The following TTC6 variants were observed in gnomAD, a reference collection of about 807,000 sequenced individuals.
The protein encoded by TTC6 is tetratricopeptide repeat protein 6.
In TTC6, 172 loss-of-function variants were observed where a neutral mutation model predicts 210.4. The ratio of observed to expected loss-of-function variants is 0.82; its 90% CI spans 0.72 to 0.93. The LOEUF is 0.93. TTC6 is among the 40% of genes least tolerant of loss of function. TTC6 has a pLI of 0.00. For missense variants in TTC6, 2,414 were observed against 2,318.1 expected (o/e 1.04, Z -0.85); for synonymous variants, 804 against 819.6 (o/e 0.98, Z 0.32).
At chr14:37,721,148 A>T (rs1252184940) in intron 6 of TTC6, among the ~76,000 whole-genome samples, 1 of 151,966 alleles carries the variant, frequency 6.6e-6, no homozygotes, top group Non-Finnish European at 1.5e-5. Flanking sequence ...TTGTTACATG[A>T]TGATTTGTAC....
At position 37,714,815 on chromosome 14, in the gene TTC6, A is replaced by G. The variant is rs2095849902; in HGVS notation, c.1713+19A>G. 3 of 1,528,488 alleles carry G rather than the reference A, an allele frequency of 2.0e-6. No homozygotes were observed. Among genetic ancestry groups the G allele is most frequent in the Non-Finnish European group, 1.7e-6 (2 of 1,143,966 alleles). 94.7% of individuals were successfully genotyped at this position (1,528,488 alleles called of 1,614,324 possible). On this transcript the variant is annotated intron_variant, in intron 6 of 30. Transcript: ENST00000553443. ...AGAGGAAGTAAGAACTTTCTTTAAT[A>G]TTAGTTTTTTTGTACCTCACAGGTC...
chr14:37,787,041 A>G (rs2096069411), intron 14 of TTC6, among the ~76,000 whole-genome samples: 1 of 152,182 alleles, frequency 6.6e-6, no homozygotes. Context: ...CAAGCTCCAG[A>G]GAAAAACCTC....
intron 1 of TTC6, among the ~76,000 whole-genome samples, chr14:37,678,147 T>C (rs868822930): frequency 7.4e-4 from 113 of 152,226 alleles, no homozygotes; most frequent in African/African-American, 2.6e-3. Flanking sequence ...TGGAGTTTGT[T>C]CTGATAGGCA....
Position 37,808,073 on chromosome 14 carries a change from A to G in TTC6, c.4455+613A>G, listed in dbSNP as rs533641847. Among the ~76,000 whole-genome samples the G allele has an allele frequency of 1.5e-4, 23 of 152,298 alleles. No individual in the cohort carries two copies. The East Asian group carries it at 3.1e-3, about 20-fold the overall frequency. The stretch of plus-strand genomic sequence containing the variant: ...TTGGGTTTATGATTGGTTCTTAAAC[A>G]GAAGTTACTGGGTTAAAAGGTGTGA... On this transcript the variant is annotated intron_variant, in intron 23 of 30. Coordinates refer to ENST00000553443, the Ensembl canonical transcript of TTC6.
rs539075409 is a variant in TTC6 at position 37,841,756 on chromosome 14, A to G, written c.5524+86A>G. 9.8e-6 allele frequency: 10 copies of G among 1,022,838 alleles called. No individual in the cohort carries two copies. In the East Asian group the frequency reaches 1.3e-4, roughly 13 times the overall value. The allele number at this position is 1,022,838 out of a possible 1,614,324, so 63.4% of individuals were successfully genotyped here. A position where few individuals can be genotyped will look rare whatever the true frequency, so the allele number is the denominator to read the frequency against. ...ACAAAAGAAGAAAATCATTAGGTCT[A>G]TTTATTTAGATAAACTTACATAAGA... On this transcript the variant is annotated intron_variant, in intron 30 of 30. Transcript: ENST00000553443.
At chr14:37,791,054 T>G (rs1214841279) in intron 16 of TTC6, among the ~76,000 whole-genome samples, 1 of 152,166 alleles carries the variant, frequency 6.6e-6, no homozygotes, top group Non-Finnish European at 1.5e-5. Flanking sequence ...TTTTTGCAAA[T>G]TTTAGAAGTT....
chr14:37,752,378 G>T (rs550195413), intron 13 of TTC6, among the ~76,000 whole-genome samples: 35 of 151,720 alleles, frequency 2.3e-4, no homozygotes, highest in African/African-American at 7.7e-4. Context: ...TTAACTTCTG[G>T]TCTAGAAATG....
At chr14:37,689,608 T>C (rs1199972979) in intron 3 of TTC6, among the ~76,000 whole-genome samples, 5 of 152,014 alleles carry the variant, frequency 3.3e-5, no homozygotes, top group Non-Finnish European at 7.4e-5. Context: ...AGCTCCAATA[T>C]GTCCAGCAGC....
intron 14 of TTC6, among the ~76,000 whole-genome samples, chr14:37,766,606 T>G (rs535363496): frequency 6.6e-6 from 1 of 152,292 alleles, no homozygotes; most frequent in East Asian, 1.9e-4. Flanking sequence ...TTACTCAATC[T>G]GTCATTGATG....
chr14:37,644,695 G>GT (rs1486396393), intron 1 of TTC6, among the ~76,000 whole-genome samples: 2 of 152,168 alleles, frequency 1.3e-5, no homozygotes, highest in African/African-American at 2.4e-5. Flanking sequence ...TTCCAGCAAA[G>GT]TTTTTTGAGC....
chr14:37,726,264 T>G (rs944229128), intron 7 of TTC6, among the ~76,000 whole-genome samples: 4 of 152,076 alleles, frequency 2.6e-5, no homozygotes, highest in Non-Finnish European at 5.9e-5. Flanking sequence ...ATAACATGAG[T>G]AATAGCATAA....
rs954222421 is a variant in TTC6, at chr14:37,739,459, C to T, written c.2363+304C>T. 6.7e-4 allele frequency among the ~76,000 whole-genome samples: 102 copies of T among 151,436 alleles called. 1 individual carries two copies. The highest frequency in any genetic ancestry group is 1.8e-4 in the Non-Finnish European group (12 of 67,920). On this transcript the variant is annotated intron_variant, in intron 10 of 30. Coordinates refer to ENST00000553443, the Ensembl canonical transcript of TTC6. ...GGCATGGTGGTGTGTGCCTGTAGTC[C>T]CAGCTACTCAGGAGGCTGAGAAGAG... is the stretch of plus-strand genomic sequence containing the variant.
At chr14:37,638,065 C>A (rs2095684471) in intron 1 of TTC6, among the ~76,000 whole-genome samples, 1 of 152,096 alleles carries the variant, frequency 6.6e-6, no homozygotes, top group Non-Finnish European at 1.5e-5. Context: ...ATAATAACCC[C>A]TAACTGTCAA....
At chr14:37,841,003 G>A (rs2096208813) in intron 29 of TTC6, among the ~76,000 whole-genome samples, 1 of 151,908 alleles carries the variant, frequency 6.6e-6, no homozygotes. Context: ...TGAGTAGCTG[G>A]GATTACAGGT....
At chr14:37,793,720 A>G (rs2096085838) in intron 17 of TTC6, among the ~76,000 whole-genome samples, 1 of 152,238 alleles carries the variant, frequency 6.6e-6, no homozygotes, top group Non-Finnish European at 1.5e-5. Flanking sequence ...CTAGCATGAT[A>G]GCAAGGTGTA....
At chr14:37,626,375 G>A (rs1214399418) in intron 1 of TTC6, among the ~76,000 whole-genome samples, 1 of 152,120 alleles carries the variant, frequency 6.6e-6, no homozygotes, top group East Asian at 1.9e-4. Flanking sequence ...AAAGGAAAAC[G>A]GCTTAATATG....
At chr14:37,836,293 A>G (rs773446182) in intron 29 of TTC6, among the ~76,000 whole-genome samples, 4 of 152,168 alleles carry the variant, frequency 2.6e-5, no homozygotes, top group African/African-American at 7.2e-5. Context: ...TCAAAGATCA[A>G]TTGTCTCTAA....
chr14:37,814,695 A>G (rs140570303), intron 25 of TTC6, among the ~76,000 whole-genome samples: 4 of 152,172 alleles, frequency 2.6e-5, no homozygotes, highest in Admixed American at 6.5e-5. Context: ...GCTGGAAAAG[A>G]TATACCACAG....
chr14:37,812,127 A>G (rs759272897), intron 24 of TTC6, among the ~76,000 whole-genome samples, 187 bp from the exon 27 acceptor site: 1 of 152,188 alleles, frequency 6.6e-6, no homozygotes. Context: ...GGAAAGTATC[A>G]AGGTCCATCA....
Sources: gnomAD v4.1 joint callset for allele counts (sites outside exome capture counted in the v4.1 genomes callset) on GRCh38, gnomAD v4.1.1 for gene constraint, MANE v1.5 for transcripts, NCBI Gene and HGNC (gene_info 2026-07-23, HGNC 2026-07-21) for gene names.